The following C12orf42 variants were observed in gnomAD, a reference collection of about 807,000 sequenced individuals.
C12orf42 encodes the protein chromosome 12 open reading frame 42, also known as uncharacterized protein C12orf42.
C12orf42 carries 25 observed loss-of-function variants against 21.6 expected under a neutral mutation model. That is an observed-to-expected ratio of 1.16 (90% confidence interval 0.84 to 1.62). The LOEUF (loss-of-function observed/expected upper bound fraction) is 1.62. Among genes scored for constraint, C12orf42 ranks in the 40% most tolerant of loss-of-function variants. C12orf42 has a pLI of 0.00. For missense variants in C12orf42, 483 were observed against 459.3 expected (o/e 1.05, Z -0.47); for synonymous variants, 174 against 175.0 (o/e 0.99, Z 0.05).
chr12:103,382,713 T>C (rs1324840744), intron 3 of C12orf42, among the ~76,000 whole-genome samples: 2 of 152,220 alleles, frequency 1.3e-5, no homozygotes, highest in Non-Finnish European at 2.9e-5. Flanking sequence ...AAAGGACAGT[T>C]AATCATTCCC....
the C12orf42 span, among the ~76,000 whole-genome samples, chr12:103,181,906 A>G: frequency 6.6e-6 from 1 of 152,202 alleles, no homozygotes; most frequent in African/African-American, 2.4e-5. Flanking sequence ...GTAAGCTTAT[A>G]TTGTATTTCC....
intron 3 of C12orf42, among the ~76,000 whole-genome samples, chr12:103,394,523 G>A (rs10161218): frequency 0.8 from 122,255 of 152,224 alleles, 49,145 homozygotes; most frequent in Admixed American, 0.84. Flanking sequence ...CTGTGTCTCC[G>A]CTATGCTAAT....
At chr12:103,308,605 A>G (rs975032733) in intron 4 of C12orf42, among the ~76,000 whole-genome samples, 1 of 152,182 alleles carries the variant, frequency 6.6e-6, no homozygotes, top group African/African-American at 2.4e-5. Context: ...TTGGGATCTG[A>G]TTGGGTGAGG....
At chr12:103,435,658 A>G (rs1287007426) in intron 2 of C12orf42, among the ~76,000 whole-genome samples, 2 of 152,014 alleles carry the variant, frequency 1.3e-5, no homozygotes, top group Non-Finnish European at 2.9e-5. Context: ...TCAGCAATGG[A>G]AGATGAAATG....
chr12:103,152,650 C>T, the C12orf42 span, among the ~76,000 whole-genome samples: 1 of 151,950 alleles, frequency 6.6e-6, no homozygotes, highest in Non-Finnish European at 1.5e-5. Context: ...GTTGCTGAGT[C>T]CAATGTCAAT....
chr12:103,453,574 C>T (rs541657266), intron 2 of C12orf42, among the ~76,000 whole-genome samples: 1 of 151,936 alleles, frequency 6.6e-6, no homozygotes, highest in Admixed American at 6.6e-5. Flanking sequence ...AATTTCTGCT[C>T]TTATCTTTAT....
At chr12:103,398,249 C>T (rs192496428) in intron 3 of C12orf42, among the ~76,000 whole-genome samples, 167 of 152,228 alleles carry the variant, frequency 1.1e-3, no homozygotes, top group Non-Finnish European at 2.0e-3. Flanking sequence ...CAGTTTTTAT[C>T]TGCATTTCCC....
At chr12:103,373,314 C>T (rs17033781) in intron 3 of C12orf42, among the ~76,000 whole-genome samples, 2,817 of 152,304 alleles carry the variant, frequency 0.018, 63 homozygotes, top group African/African-American at 0.058. Flanking sequence ...GCCTCGTGTG[C>T]TATCGGCTGT....
At chr12:103,178,592 C>T in the C12orf42 span, 2 of 152,202 alleles carry the variant, frequency 1.3e-5, no homozygotes, top group Non-Finnish European at 1.5e-5. Flanking sequence ...TTCAGACTTT[C>T]TGTCCATTCA....
At chr12:103,376,627 T>A (rs906715057) in intron 3 of C12orf42, among the ~76,000 whole-genome samples, 1 of 152,206 alleles carries the variant, frequency 6.6e-6, no homozygotes, top group Non-Finnish European at 1.5e-5. Context: ...TGTAGTCTGA[T>A]ACCATTATGT....
the C12orf42 span, among the ~76,000 whole-genome samples, chr12:103,512,726 G>T: frequency 9.2e-5 from 14 of 152,172 alleles, no homozygotes; most frequent in African/African-American, 2.9e-4. Context: ...AGAGTAGGCT[G>T]GCTGCAGTGG....
At chr12:103,323,603 C>A (rs990058572) in intron 4 of C12orf42, among the ~76,000 whole-genome samples, 1 of 152,194 alleles carries the variant, frequency 6.6e-6, no homozygotes, top group Admixed American at 6.5e-5. Context: ...GCAGAGTTTA[C>A]AAACTTAAAG....
chr12:103,102,666 C>T, the C12orf42 span, among the ~76,000 whole-genome samples: 2 of 152,186 alleles, frequency 1.3e-5, no homozygotes. Context: ...GTTGGACAGG[C>T]TTGTCTATTG....
At chr12:103,339,697 T>C (rs1295289525) in intron 4 of C12orf42, among the ~76,000 whole-genome samples, 2 of 152,138 alleles carry the variant, frequency 1.3e-5, no homozygotes, top group Non-Finnish European at 2.9e-5. Context: ...AAATAACAGA[T>C]GCTGGTGAAA....
At chr12:103,054,127 T>G in the C12orf42 span, among the ~76,000 whole-genome samples, 1 of 151,888 alleles carries the variant, frequency 6.6e-6, no homozygotes, top group Non-Finnish European at 1.5e-5. Flanking sequence ...ATAAGAAATC[T>G]TACTGGGATT....
chr12:103,493,581 C>T (rs541073412), intron 1 of C12orf42, among the ~76,000 whole-genome samples: 2 of 152,008 alleles, frequency 1.3e-5, no homozygotes, highest in Admixed American at 6.6e-5. Flanking sequence ...ACTTGGCCAC[C>T]CTAAACCAAA....
intron 1 of C12orf42, 135 bp from the exon 2 acceptor site, chr12:103,478,582 AAT>A: frequency 1.2e-5 from 5 of 403,874 alleles, no homozygotes; most frequent in South Asian, 5.3e-5. Flanking sequence ...GACTTTCAAT[AAT>A]TTTTTTTTTT....
the C12orf42 span, among the ~76,000 whole-genome samples, chr12:103,198,842 C>G: frequency 6.6e-6 from 1 of 152,214 alleles, no homozygotes; most frequent in African/African-American, 2.4e-5. Flanking sequence ...ACTCTCAATG[C>G]CTTCCTTCCA....
the C12orf42 span, among the ~76,000 whole-genome samples, chr12:103,512,239 G>A: frequency 6.6e-6 from 1 of 152,130 alleles, no homozygotes; most frequent in Admixed American, 6.5e-5. Flanking sequence ...CTCATATGTG[G>A]GAGCTAAAAA....
Sources: allele counts gnomAD v4.1 joint callset (sites outside exome capture counted in the v4.1 genomes callset), GRCh38; gene constraint gnomAD v4.1.1; transcripts MANE v1.5; gene names NCBI Gene and HGNC (gene_info 2026-07-23, HGNC 2026-07-21).